TBC1D5: variants seen among roughly 807,000 people sequenced by gnomAD.
TBC1D5 encodes the protein TBC1 domain family, member 5.
Under a neutral mutation model 100.3 loss-of-function variants are expected in TBC1D5, and 75 were observed. The ratio of observed to expected loss-of-function variants is 0.75; its 90% CI spans 0.62 to 0.91. The LOEUF (loss-of-function observed/expected upper bound fraction) is 0.91, where lower values mean the gene tolerates loss of function less well. TBC1D5 is among the 40% of genes least tolerant of loss of function. The pLI is 0.00. For missense variants in TBC1D5, 910 were observed against 942.4 expected (o/e 0.97, Z 0.45); for synonymous variants, 323 against 325.6 (o/e 0.99, Z 0.09).
chr3:17,494,327 G>A (rs2095676266), intron 3 of TBC1D5, among the ~76,000 whole-genome samples: 1 of 152,132 alleles, frequency 6.6e-6, no homozygotes, highest in African/African-American at 2.4e-5. Context: ...CCTGATGCCA[G>A]CTGAAACATT....
At chr3:17,500,742 C>T (rs981740634) in intron 3 of TBC1D5, among the ~76,000 whole-genome samples, 1 of 149,542 alleles carries the variant, frequency 6.7e-6, no homozygotes, top group Admixed American at 6.6e-5. Context: ...TATTAAAATA[C>T]TTCCTCTATC....
chr3:17,575,562 A>G (rs1275781041), intron 2 of TBC1D5, among the ~76,000 whole-genome samples: 1 of 152,096 alleles, frequency 6.6e-6, no homozygotes, highest in East Asian at 1.9e-4. Flanking sequence ...ACTTCCAGAT[A>G]AACACAAGGA....
rs934156968 is a variant in TBC1D5 at position 17,344,692 on chromosome 3, C to A, written c.995+27383G>T. Among the ~76,000 whole-genome samples, 13 of 152,278 alleles carry A rather than the reference C, an allele frequency of 8.5e-5. No homozygotes were observed. The East Asian group carries it at 1.4e-3, about 16-fold the overall frequency. On this transcript the variant is annotated intron_variant, in intron 13 of 21. Coordinates refer to ENST00000253692, the Ensembl canonical transcript of TBC1D5. ...TACTACAAGGCTACAGTAACCAAAGCAGCATGGTACTGGTACCAAAACAGA... is the reference window on the plus strand; with the variant it reads ...TACTACAAGGCTACAGTAACCAAAGAAGCATGGTACTGGTACCAAAACAGA...
At chr3:17,232,995 A>G (rs1331676596) in intron 17 of TBC1D5, among the ~76,000 whole-genome samples, 1 of 152,190 alleles carries the variant, frequency 6.6e-6, no homozygotes, top group African/African-American at 2.4e-5. Flanking sequence ...CATCTAAAAG[A>G]CTGCATAATA....
At chr3:17,508,856 A>G (rs1005793046) in intron 2 of TBC1D5, among the ~76,000 whole-genome samples, 2 of 152,152 alleles carry the variant, frequency 1.3e-5, no homozygotes, top group African/African-American at 4.8e-5. Context: ...AATCATATTT[A>G]TTTTCAATAA....
chr3:17,167,680 C>G, intron 20 of TBC1D5, 69 bp downstream of exon 21: 2 of 1,403,508 alleles, frequency 1.4e-6, no homozygotes, highest in Non-Finnish European at 2.0e-6. Context: ...TCATGGTGCT[C>G]CATGCCCTGG....
At chr3:17,276,272 G>A (rs1269824129) in intron 15 of TBC1D5, among the ~76,000 whole-genome samples, 1 of 152,132 alleles carries the variant, frequency 6.6e-6, no homozygotes, top group Non-Finnish European at 1.5e-5. Flanking sequence ...CAACTATGAG[G>A]GGAGAGCCCT....
rs61547844 is a variant in TBC1D5 at position 17,719,680 on chromosome 3, T to C, written c.-101+19663A>G. Among the ~76,000 whole-genome samples the C allele has an allele frequency of 8.1e-3, 1,230 of 152,220 alleles. 14 individuals are homozygous for C. The highest frequency in any genetic ancestry group is 0.027 in the African/African-American group (1,135 of 41,552). On this transcript the variant is annotated intron_variant, in intron 1 of 21. Transcript: ENST00000253692. ...TTTGACATAATAAAATCAAAAAATATCATTTTCAAAATATAAAATTAGAGG... is the reference window on the plus strand; with the variant it reads ...TTTGACATAATAAAATCAAAAAATACCATTTTCAAAATATAAAATTAGAGG...
At chr3:17,655,179 T>C (rs575196638) in intron 1 of TBC1D5, among the ~76,000 whole-genome samples, 18 of 152,132 alleles carry the variant, frequency 1.2e-4, no homozygotes, top group Non-Finnish European at 2.1e-4. Flanking sequence ...GCTCTGATTT[T>C]AGTTATTTCA....
chr3:17,511,412 C>A (rs944958270), intron 2 of TBC1D5, among the ~76,000 whole-genome samples: 1 of 151,884 alleles, frequency 6.6e-6, no homozygotes, highest in African/African-American at 2.4e-5. Context: ...TTTTACAGTA[C>A]ACTTTCACTG....
intron 4 of TBC1D5, among the ~76,000 whole-genome samples, chr3:17,424,662 T>C (rs1329106579): frequency 6.6e-6 from 1 of 152,184 alleles, no homozygotes; most frequent in East Asian, 1.9e-4. Context: ...ATCTGGACTA[T>C]TACTCAAGCA....
chr3:17,230,995 T>C (rs140847726), intron 17 of TBC1D5, among the ~76,000 whole-genome samples: 2 of 152,316 alleles, frequency 1.3e-5, no homozygotes, highest in East Asian at 3.9e-4. Context: ...TAGGGAGTTA[T>C]AAGAAAAATG....
intron 2 of TBC1D5, among the ~76,000 whole-genome samples, chr3:17,599,206 C>T (rs1280599779): frequency 6.6e-6 from 1 of 152,110 alleles, no homozygotes; most frequent in Non-Finnish European, 1.5e-5. Flanking sequence ...GCCTGGAAAC[C>T]ACAGCCCCAA....
chr3:17,428,875 T>A (rs936696365), intron 3 of TBC1D5, among the ~76,000 whole-genome samples: 2 of 151,958 alleles, frequency 1.3e-5, no homozygotes, highest in Non-Finnish European at 2.9e-5. Flanking sequence ...CCCATCCTGA[T>A]CAGTGGCACT....
intron 16 of TBC1D5, among the ~76,000 whole-genome samples, chr3:17,242,700 T>C (rs1257478900): frequency 2.0e-5 from 3 of 152,064 alleles, no homozygotes; most frequent in Non-Finnish European, 2.9e-5. Context: ...CTGGGTTTGT[T>C]TGAGTTTAAA....
intron 2 of TBC1D5, among the ~76,000 whole-genome samples, chr3:17,576,846 C>T (rs1444786294): frequency 6.6e-6 from 1 of 151,734 alleles, no homozygotes; most frequent in Non-Finnish European, 1.5e-5. Context: ...GTACGTCTTC[C>T]CAAGGGGAAC....
chr3:17,461,769 T>C (rs1407470857), intron 3 of TBC1D5, among the ~76,000 whole-genome samples: 1 of 152,186 alleles, frequency 6.6e-6, no homozygotes, highest in Non-Finnish European at 1.5e-5. Flanking sequence ...ACCCACTTCC[T>C]ATAAGCTCAA....
chr3:17,356,676 A>G (rs2091241177), intron 13 of TBC1D5, among the ~76,000 whole-genome samples: 1 of 152,242 alleles, frequency 6.6e-6, no homozygotes, highest in Non-Finnish European at 1.5e-5. Flanking sequence ...CTAGGTGAAG[A>G]GCCAAACTTC....
At chr3:17,684,185 G>T (rs2069923983) in intron 1 of TBC1D5, among the ~76,000 whole-genome samples, 3 of 151,708 alleles carry the variant, frequency 2.0e-5, no homozygotes, top group African/African-American at 7.3e-5. Context: ...TTCATCTCCA[G>T]AAAAGACACA....
Sources: gnomAD v4.1 joint callset for allele counts (sites outside exome capture counted in the v4.1 genomes callset) on GRCh38, gnomAD v4.1.1 for gene constraint, MANE v1.5 for transcripts, NCBI Gene and HGNC (gene_info 2026-07-23, HGNC 2026-07-21) for gene names.